The following PCCA variants were observed in gnomAD, a reference collection of about 807,000 sequenced individuals.
The protein encoded by PCCA is propionyl-CoA carboxylase subunit alpha.
In PCCA, 74 loss-of-function variants were observed where a neutral mutation model predicts 101.3. That is an observed-to-expected ratio of 0.73 (90% CI 0.61 to 0.89). The LOEUF (loss-of-function observed/expected upper bound fraction) is 0.89. PCCA is among the 40% of genes least tolerant of loss of function. PCCA has a pLI of 0.00. For missense variants in PCCA, 891 were observed against 907.0 expected (o/e 0.98, Z 0.23); for synonymous variants, 294 against 313.6 (o/e 0.94, Z 0.66).
intron 10 of PCCA, among the ~76,000 whole-genome samples, chr13:100,266,924 T>G (rs972182424): frequency 1.3e-5 from 2 of 152,212 alleles, no homozygotes; most frequent in Non-Finnish European, 2.9e-5. Flanking sequence ...AAAAAACTCA[T>G]GATGCATTTA....
intron 14 of PCCA, among the ~76,000 whole-genome samples, chr13:100,305,543 A>T (rs1307727522): frequency 2.6e-5 from 4 of 152,222 alleles, no homozygotes; most frequent in Admixed American, 1.3e-4. Context: ...ACACAGCATT[A>T]GCAAGCATGC....
intron 4 of PCCA, among the ~76,000 whole-genome samples, chr13:100,142,545 G>A (rs974040869): frequency 1.6e-4 from 24 of 151,102 alleles, no homozygotes; most frequent in Admixed American, 5.3e-4. Context: ...CATGATCTCG[G>A]CTCATGCAAC....
At chr13:100,128,297 C>T (rs1594246073) in intron 4 of PCCA, among the ~76,000 whole-genome samples, 5 of 152,050 alleles carry the variant, frequency 3.3e-5, no homozygotes, top group Admixed American at 6.5e-5. Flanking sequence ...CACCACAAAA[C>T]GAAGTGAAGT....
In PCCA at chr13:100,111,833, C is replaced by T. The variant is rs1566491699; in HGVS notation, c.184-8C>T. On this transcript the variant is annotated splice_region_variant and splice_polypyrimidine_tract_variant and intron_variant, in intron 2 of 23. Transcript: ENST00000376285. ...AATTTCTAATGAATGTGTTTTTTCT[C>T]TCTTCAGACTTTTGATAAAATTCTT... 1 of 1,597,734 alleles carries T rather than the reference C, an allele frequency of 6.3e-7. No homozygotes were observed. The highest frequency in any genetic ancestry group is 8.6e-7 in the Non-Finnish European group (1 of 1,167,052).
At chr13:100,214,570 A>G (rs1282920089) in intron 7 of PCCA, among the ~76,000 whole-genome samples, 1 of 151,812 alleles carries the variant, frequency 6.6e-6, no homozygotes, top group Admixed American at 6.6e-5. Context: ...GACTATAGGC[A>G]TGCACCACCA....
intron 6 of PCCA, among the ~76,000 whole-genome samples, chr13:100,205,381 A>C (rs1359237158): frequency 1.3e-5 from 2 of 152,144 alleles, no homozygotes; most frequent in Non-Finnish European, 2.9e-5. Context: ...ATTTTGCTTT[A>C]ATTACTTTTA....
intron 21 of PCCA, among the ~76,000 whole-genome samples, chr13:100,463,144 G>A (rs2082280682): frequency 6.6e-6 from 1 of 152,156 alleles, no homozygotes. Flanking sequence ...TTAAGGAAGA[G>A]CAGATTGGCT....
intron 20 of PCCA, among the ~76,000 whole-genome samples, chr13:100,427,745 A>G (rs2079251390): frequency 6.6e-6 from 1 of 152,068 alleles, no homozygotes; most frequent in Non-Finnish European, 1.5e-5. Flanking sequence ...AAAAAAAAAA[A>G]AGGTAAGGAG....
chr13:100,319,188 T>G (rs1303213537), intron 16 of PCCA, among the ~76,000 whole-genome samples: 1 of 152,212 alleles, frequency 6.6e-6, no homozygotes, highest in Non-Finnish European at 1.5e-5. Context: ...GGTTGTTTGT[T>G]TTTTTCTTGT....
At chr13:100,341,526 G>C (rs2071312517) in intron 18 of PCCA, among the ~76,000 whole-genome samples, 1 of 152,156 alleles carries the variant, frequency 6.6e-6, no homozygotes, top group African/African-American at 2.4e-5. Flanking sequence ...CATTTCAACT[G>C]TTCCATAGCC....
At chr13:100,155,159 A>AC (rs1472321175) in intron 5 of PCCA, 67 bp downstream of exon 5, 1 of 1,008,014 alleles carries the variant, frequency 9.9e-7, no homozygotes, top group Non-Finnish European at 1.5e-6. Context: ...TAGAGTTTGT[A>AC]TTTAAAAAAA....
chr13:100,486,701 C>T (rs1487432855), intron 21 of PCCA, among the ~76,000 whole-genome samples: 1 of 152,118 alleles, frequency 6.6e-6, no homozygotes, highest in Non-Finnish European at 1.5e-5. Context: ...TCACTTGAGC[C>T]CAGGAGTTTG....
intron 5 of PCCA, among the ~76,000 whole-genome samples, chr13:100,156,399 A>G (rs1016695781): frequency 6.6e-6 from 1 of 152,188 alleles, no homozygotes; most frequent in Non-Finnish European, 1.5e-5. Flanking sequence ...GCTGATACGT[A>G]GCTATTTCTG....
intron 12 of PCCA, among the ~76,000 whole-genome samples, chr13:100,285,684 T>C (rs1193537160): frequency 1.3e-5 from 2 of 152,166 alleles, no homozygotes; most frequent in African/African-American, 4.8e-5. Flanking sequence ...CGCACGTGTG[T>C]GGCCCTCAAC....
chr13:100,435,812 G>A (rs767526381), intron 20 of PCCA, among the ~76,000 whole-genome samples: 1 of 152,202 alleles, frequency 6.6e-6, no homozygotes, highest in African/African-American at 2.4e-5. Context: ...GGGAGGCCGA[G>A]GCAGGTGGAT....
rs138296944 is a variant in PCCA at position 100,265,533 on chromosome 13, C to T, written c.819+2702C>T. On this transcript the variant is annotated intron_variant, in intron 10 of 23. Coordinates refer to ENST00000376285, the MANE Select transcript of PCCA (RefSeq NM_000282.4). ...TTTGAATTTCCGTGAAAAGTTTAGA[C>T]TTCACCTGTCAACCTGTTCCCCCTA... Among the ~76,000 whole-genome samples the T allele has an allele frequency of 5.3e-3, 812 of 152,208 alleles. 13 individuals carry two copies. Among genetic ancestry groups the T allele is most frequent in the African/African-American group, 0.019 (779 of 41,542 alleles).
At chr13:100,107,751 C>T (rs1366732332) in intron 2 of PCCA, among the ~76,000 whole-genome samples, 7 of 152,194 alleles carry the variant, frequency 4.6e-5, no homozygotes, top group South Asian at 4.1e-4. Context: ...GAACTGACTT[C>T]GTGGGATTAT....
At chr13:100,500,221 A>C (rs1326720740) in intron 21 of PCCA, among the ~76,000 whole-genome samples, 1 of 152,198 alleles carries the variant, frequency 6.6e-6, no homozygotes, top group Non-Finnish European at 1.5e-5. Flanking sequence ...AGTACGGTTG[A>C]AAGTCAAATG....
chr13:100,408,295 A>G (rs2152865292), intron 19 of PCCA, among the ~76,000 whole-genome samples: 1 of 152,354 alleles, frequency 6.6e-6, no homozygotes, highest in Non-Finnish European at 1.5e-5. Context: ...ATAGTTCTTA[A>G]AACTCAAAAA....
Sources: allele counts gnomAD v4.1 joint callset (sites outside exome capture counted in the v4.1 genomes callset), GRCh38; gene constraint gnomAD v4.1.1; transcripts MANE v1.5; gene names NCBI Gene and HGNC (gene_info 2026-07-23, HGNC 2026-07-21).